Variants in CDK14 observed in about 807,000 individuals in gnomAD.
The protein encoded by CDK14 is cyclin-dependent kinase 14.
Under a neutral mutation model 60.7 loss-of-function variants are expected in CDK14, and 34 were observed. The ratio of observed to expected loss-of-function variants is 0.56; its 90% confidence interval spans 0.43 to 0.75. CDK14 has a LOEUF of 0.75. Ranked by LOEUF, CDK14 falls within the 30% of genes least tolerant of loss-of-function variation. The pLI is 0.00. For missense variants in CDK14, 482 were observed against 564.1 expected (o/e 0.85, Z 1.47); for synonymous variants, 197 against 203.7 (o/e 0.97, Z 0.28).
At chr7:91,177,526 G>T (rs1801815295) in intron 14 of CDK14, among the ~76,000 whole-genome samples, 1 of 152,100 alleles carries the variant, frequency 6.6e-6, no homozygotes, top group Non-Finnish European at 1.5e-5. Context: ...GATTGTCCCT[G>T]TTTGCAGACG....
intron 7 of CDK14, among the ~76,000 whole-genome samples, chr7:90,911,595 C>T (rs1234774394): frequency 1.3e-5 from 2 of 152,154 alleles, no homozygotes; most frequent in South Asian, 2.1e-4. Context: ...TAAATTGAAC[C>T]GCATATATTA....
At position 90,649,410 on chromosome 7, in the gene CDK14, T is replaced by G. The variant is rs1461230005; in HGVS notation, c.123+45161T>G. Among the ~76,000 whole-genome samples, 3 of 84,640 alleles carry G rather than the reference T, an allele frequency of 3.5e-5. 1 individual carries two copies. Among genetic ancestry groups the G allele is most frequent in the African/African-American group, 1.5e-4 (3 of 20,656 alleles). 55.5% of individuals were successfully genotyped at this position (84,640 alleles called of 152,430 possible). A position where few individuals can be genotyped will look rare whatever the true frequency, so the allele number is the denominator to read the frequency against. On this transcript the variant is annotated intron_variant, in intron 2 of 14. Transcript: ENST00000380050. ...CCTTCCTTCCTTCTTTCTTTCTTTCTTTCTTTCTTTCCTTCTTTCTTTCTC... is the reference window on the plus strand; with the variant it reads ...CCTTCCTTCCTTCTTTCTTTCTTTCGTTCTTTCTTTCCTTCTTTCTTTCTC...
At chr7:90,842,296 G>A (rs948931998) in intron 5 of CDK14, among the ~76,000 whole-genome samples, 3 of 152,096 alleles carry the variant, frequency 2.0e-5, no homozygotes, top group Admixed American at 6.6e-5. Flanking sequence ...CCTGTCAAAC[G>A]ATCCCCACAA....
chr7:91,049,256 C>G (rs982759547), intron 11 of CDK14, among the ~76,000 whole-genome samples: 1 of 152,148 alleles, frequency 6.6e-6, no homozygotes, highest in Non-Finnish European at 1.5e-5. Flanking sequence ...GAAAAATGAT[C>G]CTTTCTAATT....
intron 8 of CDK14, among the ~76,000 whole-genome samples, chr7:90,941,967 C>T (rs1793950285): frequency 6.6e-6 from 1 of 152,192 alleles, no homozygotes; most frequent in Non-Finnish European, 1.5e-5. Flanking sequence ...CAAAGCTGAC[C>T]CTTTTCTTAG....
intron 2 of CDK14, among the ~76,000 whole-genome samples, chr7:90,620,943 G>C (rs1217431279): frequency 6.6e-6 from 1 of 152,196 alleles, no homozygotes; most frequent in Non-Finnish European, 1.5e-5. Context: ...CTATGACCAC[G>C]TGTTACTGGA....
intron 2 of CDK14, among the ~76,000 whole-genome samples, chr7:90,694,299 A>G (rs1801613748): frequency 1.3e-5 from 2 of 152,212 alleles, no homozygotes; most frequent in African/African-American, 4.8e-5. Context: ...GCAAAGAGGA[A>G]TAGAAGGCAA....
At chr7:91,038,658 G>C (rs909373550) in intron 10 of CDK14, among the ~76,000 whole-genome samples, 7 of 152,202 alleles carry the variant, frequency 4.6e-5, no homozygotes, top group African/African-American at 1.7e-4. Context: ...TAAAGGCCTT[G>C]TATCCACACC....
chr7:90,960,161 A>G (rs1470204326), intron 9 of CDK14, among the ~76,000 whole-genome samples: 1 of 152,144 alleles, frequency 6.6e-6, no homozygotes, highest in Non-Finnish European at 1.5e-5. Context: ...ATAGAGGAAT[A>G]TAAATTTTTA....
intron 10 of CDK14, among the ~76,000 whole-genome samples, chr7:91,026,185 C>T (rs1294582478): frequency 1.3e-5 from 2 of 152,118 alleles, no homozygotes; most frequent in East Asian, 3.9e-4. Flanking sequence ...AGAAGAGCTG[C>T]CTTCTTGAGA....
In CDK14 at chr7:90,637,576, AGGTGT is replaced by A. The variant is rs1268715745; in HGVS notation, c.123+33337_123+33341del. Among the ~76,000 whole-genome samples the A allele has an allele frequency of 2.6e-5, 4 of 152,048 alleles. No individual in the cohort carries two copies. In the East Asian group the frequency reaches 7.7e-4, roughly 29 times the overall value. On this transcript the variant is annotated intron_variant, in intron 2 of 14. Coordinates refer to ENST00000380050, the MANE Select transcript of CDK14 (RefSeq NM_001287135.2). Reference sequence around the variant, plus strand: ...CCAAGTATGTGGTCAATTTTGGAATAGGTGTGGTGTGGTGCTGCAAAAAATGTATA... The same window carrying A: ...CCAAGTATGTGGTCAATTTTGGAATAGGTGTGGTGCTGCAAAAAATGTATA...
At chr7:90,602,650 G>C (rs1799339886) in intron 1 of CDK14, among the ~76,000 whole-genome samples, 1 of 152,110 alleles carries the variant, frequency 6.6e-6, no homozygotes, top group South Asian at 2.1e-4. Context: ...TTTAATGTAG[G>C]TTATTTTAGT....
chr7:91,179,687 C>T (rs1801930249), intron 14 of CDK14, among the ~76,000 whole-genome samples: 1 of 151,926 alleles, frequency 6.6e-6, no homozygotes, highest in Non-Finnish European at 1.5e-5. Context: ...CCTGTAGTCC[C>T]AGCTACTTGG....
intron 6 of CDK14, among the ~76,000 whole-genome samples, chr7:90,878,683 G>A (rs1235799551): frequency 6.6e-6 from 1 of 152,110 alleles, no homozygotes; most frequent in Non-Finnish European, 1.5e-5. Context: ...CCAAGTATAT[G>A]ACACATTACA....
At chr7:91,008,295 A>T (rs1023950299) in intron 10 of CDK14, among the ~76,000 whole-genome samples, 5 of 152,156 alleles carry the variant, frequency 3.3e-5, no homozygotes, top group Non-Finnish European at 7.3e-5. Flanking sequence ...GGCTGGCGGG[A>T]TAACCAGAAT....
At chr7:90,947,375 G>T (rs957193452) in intron 8 of CDK14, among the ~76,000 whole-genome samples, 2 of 152,154 alleles carry the variant, frequency 1.3e-5, no homozygotes, top group African/African-American at 2.4e-5. Context: ...CAGTCTTCTT[G>T]GGGAGGTGAT....
intron 10 of CDK14, among the ~76,000 whole-genome samples, chr7:90,987,121 C>T (rs1643714643): frequency 6.6e-6 from 1 of 151,896 alleles, no homozygotes; most frequent in African/African-American, 2.4e-5. Context: ...CTTTGTTTAA[C>T]AGAAGTAATT....
intron 4 of CDK14, among the ~76,000 whole-genome samples, chr7:90,748,977 A>T (rs943832983): frequency 7.9e-5 from 12 of 152,204 alleles, no homozygotes; most frequent in South Asian, 2.1e-4. Flanking sequence ...CATAGTTGGA[A>T]ATTTTGATTA....
At chr7:91,031,214 A>G (rs1796749384) in intron 10 of CDK14, among the ~76,000 whole-genome samples, 1 of 152,288 alleles carries the variant, frequency 6.6e-6, no homozygotes, top group Middle Eastern at 3.4e-3. Context: ...GTGGAATTTT[A>G]TAGTGGTAAA....
Sources: gnomAD v4.1 joint callset for allele counts (sites outside exome capture counted in the v4.1 genomes callset) on GRCh38, gnomAD v4.1.1 for gene constraint, MANE v1.5 for transcripts, NCBI Gene and HGNC (gene_info 2026-07-23, HGNC 2026-07-21) for gene names.